The following R3HCC1L variants were observed in gnomAD, a reference collection of about 807,000 sequenced individuals.
R3HCC1L encodes R3H domain and coiled-coil containing 1 like.
R3HCC1L carries 51 observed loss-of-function variants against 59.9 expected under a neutral mutation model. The observed-to-expected ratio is 0.85, with a 90% CI of 0.68 to 1.07. The LOEUF is 1.07. Among genes scored for constraint, R3HCC1L ranks in the 50% least tolerant of loss-of-function variants. R3HCC1L has a pLI of 0.00. For missense variants in R3HCC1L, 965 were observed against 933.0 expected (o/e 1.03, Z -0.45); for synonymous variants, 322 against 315.2 (o/e 1.02, Z -0.23).
chr10:98,208,588 T>C lies in R3HCC1L; in HGVS notation c.474T>C (p.His158=), dbSNP rs778651453. ...LEVETTDVTG[H]ERILLSQACL... is the part of the protein sequence containing the mutation. ...TTGAAACTACGGATGTGACAGGACATGAGAGGATACTTCTTTCACAGGCCT... is the reference window on the plus strand; with the variant it reads ...TTGAAACTACGGATGTGACAGGACACGAGAGGATACTTCTTTCACAGGCCT... Residue 158 remains histidine (H), a synonymous_variant, in exon 5 of 10, where the codon CAT becomes CAC. Coordinates refer to ENST00000298999, the MANE Select transcript of R3HCC1L (RefSeq NM_001351015.2). 5.0e-5 allele frequency: 81 copies of C among 1,614,028 alleles called. No homozygotes were observed. The South Asian group carries it at 8.3e-4, about 17-fold the overall frequency.
At chr10:98,234,254 T>C (rs1307147089) in intron 6 of R3HCC1L, among the ~76,000 whole-genome samples, 192 bp from the exon 7 acceptor site, 4 of 152,218 alleles carry the variant, frequency 2.6e-5, no homozygotes, top group Non-Finnish European at 5.9e-5. Flanking sequence ...TTGTTTATGA[T>C]GGTATTATTG....
intron 1 of R3HCC1L, among the ~76,000 whole-genome samples, chr10:98,136,011 C>A (rs1844541669): frequency 6.7e-6 from 1 of 149,686 alleles, no homozygotes; most frequent in African/African-American, 2.5e-5. Context: ...GCTAATTCTG[C>A]AATCAGTTTT....
At chr10:98,165,498 A>G (rs892877972) in intron 4 of R3HCC1L, among the ~76,000 whole-genome samples, 1 of 152,158 alleles carries the variant, frequency 6.6e-6, no homozygotes, top group Non-Finnish European at 1.5e-5. Context: ...ATCTCAGACA[A>G]ATGTACATCT....
chr10:98,227,218 T>C (rs1246030417), intron 5 of R3HCC1L, among the ~76,000 whole-genome samples: 4 of 152,232 alleles, frequency 2.6e-5, no homozygotes, highest in East Asian at 1.9e-4. Flanking sequence ...CATGCACTTA[T>C]CTATGAAGTA....
In R3HCC1L at chr10:98,202,724, C is replaced by T. The variant is rs974695092; in HGVS notation, c.-14-5377C>T. On this transcript the variant is annotated intron_variant, in intron 4 of 9. Coordinates refer to ENST00000298999, the MANE Select transcript of R3HCC1L (RefSeq NM_001351015.2). The stretch of plus-strand genomic sequence containing the variant: ...AAAATGAGCCAGGCATGGTGGCAGT[C>T]GCCTGTAGTCCCAGCTACTCACTTG... Among the ~76,000 whole-genome samples, 3 of 151,992 alleles carry T rather than the reference C, an allele frequency of 2.0e-5. No individual in the cohort carries two copies. The South Asian group carries it at 6.2e-4, about 32-fold the overall frequency.
chr10:98,195,024 A>C (rs990482553), intron 4 of R3HCC1L, among the ~76,000 whole-genome samples: 2 of 152,196 alleles, frequency 1.3e-5, no homozygotes, highest in African/African-American at 4.8e-5. Context: ...TCCCATGTTC[A>C]GTGCAGCATT....
Position 98,244,145 on chromosome 10 carries a change from A to C in R3HCC1L, c.2324A>C (p.Gln775Pro). The stretch of plus-strand genomic sequence containing the variant: ...GAAGACATCTGGGAAGGCAGAGACC[A>C]GTCTACAGTTTGAACATCACTCAAT... ...QREDIWEGRD[Q>P]STV The change falls in exon 10 of 10, where the codon CAG becomes CCG. Residue 775 changes from glutamine to proline, a missense_variant. By Grantham distance (76) the Gln-to-Pro change is moderately conservative. Transcript: ENST00000298999. 6 of 1,613,974 alleles carry C rather than the reference A, an allele frequency of 3.7e-6. No individual in the cohort carries two copies. The highest frequency in any genetic ancestry group is 5.1e-6 in the Non-Finnish European group (6 of 1,179,838).
intron 1 of R3HCC1L, among the ~76,000 whole-genome samples, chr10:98,149,396 T>G (rs1208849266): frequency 6.6e-6 from 1 of 152,162 alleles, no homozygotes; most frequent in Non-Finnish European, 1.5e-5. Context: ...CTACTAATTT[T>G]GGGCTAGGTT....
intron 9 of R3HCC1L, among the ~76,000 whole-genome samples, chr10:98,239,553 T>C (rs1022134109): frequency 6.6e-6 from 1 of 152,224 alleles, no homozygotes; most frequent in African/African-American, 2.4e-5. Context: ...AATTTTTCTT[T>C]GTAAATCTTG....
At chr10:98,218,543 A>G (rs1018254644) in intron 5 of R3HCC1L, among the ~76,000 whole-genome samples, 17 of 152,030 alleles carry the variant, frequency 1.1e-4, no homozygotes, top group East Asian at 9.6e-4. Context: ...TTTAGTTCCA[A>G]TGTTATCTTT....
chr10:98,156,037 A>C (rs1846834364), intron 1 of R3HCC1L, 56 bp from the exon 2 acceptor site: 1 of 151,900 alleles, frequency 6.6e-6, no homozygotes, highest in Non-Finnish European at 1.5e-5. Context: ...CAATCACAGT[A>C]ATCTGTCAGT....
chr10:98,162,659 CGTGTGTGTGTGTTTGTGTGTGTGT>C (rs1270169545), intron 2 of R3HCC1L, among the ~76,000 whole-genome samples, 200 bp from the exon 3 acceptor site: 1 of 150,138 alleles, frequency 6.7e-6, no homozygotes, highest in Non-Finnish European at 1.5e-5. Context: ...AACATCTGTT[CGTGTGTGTGTGTTTGTGTGTGTGT>C]GTGTGTGTGT....
intron 4 of R3HCC1L, among the ~76,000 whole-genome samples, chr10:98,206,225 A>G (rs936580661): frequency 3.8e-4 from 49 of 128,052 alleles, no homozygotes; most frequent in Non-Finnish European, 5.9e-4. Context: ...TCACATCACT[A>G]TTTTGGGGCT....
At position 98,208,300 on chromosome 10, in the gene R3HCC1L, T is replaced by TAAAGAC; in HGVS notation, c.190_195dup (p.Asp64_Lys65dup). On this transcript the variant is annotated inframe_insertion, in exon 5 of 10. Transcript: ENST00000298999. ...GTTCTCTCTCCCAAAAAGAAGTCTTTAAAGACAAACCGGAGGCTCGAAGAC... is the reference window on the plus strand; with the variant it reads ...GTTCTCTCTCCCAAAAAGAAGTCTTTAAAGACAAAGACAAACCGGAGGCTCGAAGAC... 1.9e-6 allele frequency: 3 copies of TAAAGAC among 1,614,110 alleles called. No homozygotes were observed. The highest frequency in any genetic ancestry group is 2.5e-6 in the Non-Finnish European group (3 of 1,180,012).
intron 4 of R3HCC1L, among the ~76,000 whole-genome samples, chr10:98,196,593 C>T (rs2134996727): frequency 6.6e-6 from 1 of 152,076 alleles, no homozygotes; most frequent in African/African-American, 2.4e-5. Context: ...AAGGGTTTCT[C>T]CTCTCTTCTT....
chr10:98,232,998 T>C (rs566133482), intron 6 of R3HCC1L, among the ~76,000 whole-genome samples: 2 of 152,296 alleles, frequency 1.3e-5, no homozygotes, highest in South Asian at 2.1e-4. Context: ...AGTTAATCTC[T>C]GCCATAAACT....
intron 6 of R3HCC1L, among the ~76,000 whole-genome samples, chr10:98,234,109 T>C (rs1358440967): frequency 6.6e-6 from 1 of 152,144 alleles, no homozygotes; most frequent in Non-Finnish European, 1.5e-5. Flanking sequence ...CCTCTTTCCA[T>C]TTCTTCTCAT....
chr10:98,189,487 C>T (rs1850605901), intron 4 of R3HCC1L, among the ~76,000 whole-genome samples: 2 of 152,128 alleles, frequency 1.3e-5, no homozygotes, highest in South Asian at 4.1e-4. Flanking sequence ...GGGTTAAAAG[C>T]TTATTTCTCT....
intron 4 of R3HCC1L, among the ~76,000 whole-genome samples, chr10:98,179,637 G>T (rs1849424228): frequency 6.6e-6 from 1 of 152,126 alleles, no homozygotes; most frequent in Non-Finnish European, 1.5e-5. Flanking sequence ...CGGAAGGAAT[G>T]GTACCAGCTC....
Sources: gnomAD v4.1 joint callset for allele counts (sites outside exome capture counted in the v4.1 genomes callset) on GRCh38, gnomAD v4.1.1 for gene constraint, MANE v1.5 for transcripts, NCBI Gene and HGNC (gene_info 2026-07-23, HGNC 2026-07-21) for gene names.